PCDH9: variants seen among roughly 807,000 people sequenced by gnomAD.
PCDH9 encodes protocadherin-9.
A neutral mutation model predicts 70.6 loss-of-function variants in PCDH9; 24 were observed. The ratio of observed to expected loss-of-function variants is 0.34; its 90% confidence interval spans 0.25 to 0.48. The LOEUF (loss-of-function observed/expected upper bound fraction) is 0.48. Ranked by LOEUF, PCDH9 falls within the 20% of genes least tolerant of loss-of-function variation. The pLI is 0.99. For synonymous variants in PCDH9, 562 were observed against 558.5 expected (o/e 1.01, Z -0.09); for missense variants, 1,281 against 1,503.6 (o/e 0.85, Z 2.45).
intron 4 of PCDH9, among the ~76,000 whole-genome samples, chr13:66,359,270 G>A (rs1352773993): frequency 6.6e-6 from 1 of 151,868 alleles, no homozygotes; most frequent in Non-Finnish European, 1.5e-5. Context: ...AGGCTTCTTA[G>A]TTTGAAAGAA....
intron 4 of PCDH9, among the ~76,000 whole-genome samples, chr13:66,575,394 G>T (rs1305785710): frequency 1.3e-5 from 2 of 151,868 alleles, no homozygotes; most frequent in African/African-American, 4.8e-5. Context: ...GTCTTTATTG[G>T]TATATTCCCT....
At chr13:67,033,748 G>A (rs920661759) in intron 2 of PCDH9, among the ~76,000 whole-genome samples, 6 of 152,114 alleles carry the variant, frequency 3.9e-5, no homozygotes, top group Non-Finnish European at 8.8e-5. Context: ...TGTCTTTAAC[G>A]CTTAAGAAGA....
intron 4 of PCDH9, among the ~76,000 whole-genome samples, chr13:66,482,108 T>A (rs1958852371): frequency 6.6e-6 from 1 of 152,150 alleles, no homozygotes; most frequent in South Asian, 2.1e-4. Flanking sequence ...TGTGGGATGG[T>A]CTCAGGCACA....
intron 4 of PCDH9, among the ~76,000 whole-genome samples, chr13:66,603,966 G>A (rs908174251): frequency 1.3e-5 from 2 of 151,966 alleles, no homozygotes; most frequent in Admixed American, 6.6e-5. Context: ...TAAATTAGAT[G>A]TGGTTGTAAC....
intron 3 of PCDH9, among the ~76,000 whole-genome samples, chr13:66,672,373 A>T (rs1363167395): frequency 6.6e-6 from 1 of 152,202 alleles, no homozygotes. Flanking sequence ...AGGTTTGGGA[A>T]TCTCCATCTA....
chr13:66,764,585 G>T (rs1263237673), intron 3 of PCDH9, among the ~76,000 whole-genome samples: 4 of 152,022 alleles, frequency 2.6e-5, no homozygotes, highest in South Asian at 2.1e-4. Context: ...GCTTTAAATT[G>T]TCTGGTTTCT....
At chr13:67,195,195 G>T (rs539545423) in intron 2 of PCDH9, among the ~76,000 whole-genome samples, 78 of 151,892 alleles carry the variant, frequency 5.1e-4, no homozygotes, top group African/African-American at 1.8e-3. Context: ...GCCCAGGCTG[G>T]AGTTCAGTGG....
chr13:66,946,491 G>A (rs549738857), intron 2 of PCDH9, among the ~76,000 whole-genome samples: 20 of 152,092 alleles, frequency 1.3e-4, no homozygotes, highest in South Asian at 8.3e-4. Context: ...GCAACACAGC[G>A]AGATCCCATC....
intron 2 of PCDH9, among the ~76,000 whole-genome samples, chr13:67,173,913 C>T (rs2088367655): frequency 6.6e-6 from 1 of 152,092 alleles, no homozygotes; most frequent in South Asian, 2.1e-4. Flanking sequence ...AAAGCTAACT[C>T]TTTTCAACAA....
intron 4 of PCDH9, among the ~76,000 whole-genome samples, chr13:66,437,380 G>A (rs1440375118): frequency 8.7e-6 from 1 of 114,990 alleles, no homozygotes; most frequent in Non-Finnish European, 1.7e-5. Context: ...ACTCCAGCCT[G>A]GGTGACAGAG....
intron 3 of PCDH9, among the ~76,000 whole-genome samples, chr13:66,713,268 A>G (rs1311672579): frequency 6.6e-6 from 1 of 152,158 alleles, no homozygotes; most frequent in Non-Finnish European, 1.5e-5. Context: ...TATACCTTGT[A>G]ATAAATGTTT....
intron 3 of PCDH9, among the ~76,000 whole-genome samples, chr13:66,753,741 C>T (rs1275450780): frequency 1.3e-5 from 2 of 152,118 alleles, no homozygotes; most frequent in African/African-American, 4.8e-5. Context: ...TGATCCAAAA[C>T]TCAACACTGC....
chr13:67,174,689 AAC>A (rs2088399291), intron 2 of PCDH9, among the ~76,000 whole-genome samples: 1 of 152,144 alleles, frequency 6.6e-6, no homozygotes, highest in East Asian at 1.9e-4. Context: ...ATTTATAAAG[AAC>A]CAAAGCCTCT....
intron 2 of PCDH9, among the ~76,000 whole-genome samples, chr13:66,990,048 T>A (rs1395434150): frequency 2.6e-5 from 4 of 151,890 alleles, no homozygotes; most frequent in African/African-American, 7.2e-5. Flanking sequence ...ACAAAGATAT[T>A]TAAGATGGAA....
At chr13:66,548,481 C>T (rs1248111536) in intron 4 of PCDH9, among the ~76,000 whole-genome samples, 3 of 152,000 alleles carry the variant, frequency 2.0e-5, no homozygotes, top group African/African-American at 4.8e-5. Context: ...GGGAGAATCG[C>T]TTGAACCCAG....
intron 2 of PCDH9, among the ~76,000 whole-genome samples, chr13:66,931,634 G>C (rs753882306): frequency 8.5e-5 from 13 of 152,126 alleles, no homozygotes; most frequent in Non-Finnish European, 1.6e-4. Context: ...ATGCATTGTA[G>C]TTCTAGTGTT....
At chr13:66,551,449 G>T (rs1208217734) in intron 4 of PCDH9, among the ~76,000 whole-genome samples, 1 of 152,110 alleles carries the variant, frequency 6.6e-6, no homozygotes, top group East Asian at 1.9e-4. Context: ...CAACATAGGG[G>T]AAAACTGAGA....
intron 4 of PCDH9, among the ~76,000 whole-genome samples, chr13:66,482,639 T>C (rs1958862311): frequency 6.6e-6 from 1 of 152,194 alleles, no homozygotes; most frequent in Non-Finnish European, 1.5e-5. Flanking sequence ...GGAGAGCTGT[T>C]GGTTGGACAA....
intron 3 of PCDH9, among the ~76,000 whole-genome samples, chr13:66,891,446 T>C (rs1403628487): frequency 1.3e-5 from 2 of 152,036 alleles, no homozygotes; most frequent in Non-Finnish European, 2.9e-5. Context: ...TGTGAAATTT[T>C]GGAAAAAATG....
Sources: allele counts gnomAD v4.1 joint callset (sites outside exome capture counted in the v4.1 genomes callset), GRCh38; gene constraint gnomAD v4.1.1; transcripts MANE v1.5; gene names NCBI Gene and HGNC (gene_info 2026-07-23, HGNC 2026-07-21).